KCNIP4: variants seen among roughly 807,000 people sequenced by gnomAD.
The protein encoded by KCNIP4 is Kv channel-interacting protein 4.
KCNIP4 carries 12 observed loss-of-function variants against 34.0 expected under a neutral mutation model. That is an observed-to-expected ratio of 0.35 (90% CI 0.23 to 0.57). The LOEUF (loss-of-function observed/expected upper bound fraction) is 0.57. Ranked by LOEUF, KCNIP4 falls within the 20% of genes least tolerant of loss-of-function variation. The pLI is 0.83. For missense variants in KCNIP4, 238 were observed against 311.7 expected (o/e 0.76, Z 1.78); for synonymous variants, 124 against 102.2 (o/e 1.21, Z -1.29).
chr4:20,940,895 A>G (rs771896038), intron 1 of KCNIP4, among the ~76,000 whole-genome samples: 10 of 152,186 alleles, frequency 6.6e-5, no homozygotes, highest in Non-Finnish European at 1.0e-4. Context: ...TGGAGAAAAT[A>G]TGGGCTCAGA....
At position 21,372,920 on chromosome 4, in the gene KCNIP4, G is replaced by A. The variant is rs1720619571; in HGVS notation, c.62-490211C>T. ...TTATTCCCAATTTGACAGGTAGGTG[G>A]GTAAATATGAAACTTAGCTGTGCCT... On this transcript the variant is annotated intron_variant, in intron 1 of 8. Coordinates refer to ENST00000382152, the MANE Select transcript of KCNIP4 (RefSeq NM_025221.6). Among the ~76,000 whole-genome samples, 8 of 145,740 alleles carry A rather than the reference G, an allele frequency of 5.5e-5. No individual in the cohort carries two copies. The South Asian group carries it at 1.7e-3, about 31-fold the overall frequency.
intron 1 of KCNIP4, among the ~76,000 whole-genome samples, chr4:21,519,037 C>T (rs2109942945): frequency 6.6e-6 from 1 of 152,120 alleles, no homozygotes; most frequent in East Asian, 1.9e-4. Flanking sequence ...GAAAATGGGG[C>T]TTGAGTAATT....
At chr4:20,930,618 G>C (rs745435509) in intron 1 of KCNIP4, among the ~76,000 whole-genome samples, 1 of 152,056 alleles carries the variant, frequency 6.6e-6, no homozygotes, top group Admixed American at 6.6e-5. Context: ...TATCTCCTAA[G>C]AGGCTAATAT....
At chr4:21,602,196 T>C (rs748068777) in intron 1 of KCNIP4, among the ~76,000 whole-genome samples, 9 of 151,950 alleles carry the variant, frequency 5.9e-5, no homozygotes, top group Non-Finnish European at 1.2e-4. Context: ...TGCTGGGAAG[T>C]CCTCTTTCAC....
intron 1 of KCNIP4, among the ~76,000 whole-genome samples, chr4:21,001,194 T>G (rs1487577223): frequency 6.6e-6 from 1 of 152,140 alleles, no homozygotes; most frequent in Admixed American, 6.5e-5. Context: ...GGTTTCCCCT[T>G]AATTAACATA....
intron 1 of KCNIP4, among the ~76,000 whole-genome samples, chr4:21,490,924 G>A (rs1732336460): frequency 6.6e-6 from 1 of 152,042 alleles, no homozygotes; most frequent in Non-Finnish European, 1.5e-5. Flanking sequence ...GGTAATAAGT[G>A]GAGACCTCAG....
chr4:21,357,913 C>G (rs1255509977), intron 1 of KCNIP4, among the ~76,000 whole-genome samples: 2 of 152,126 alleles, frequency 1.3e-5, no homozygotes, highest in African/African-American at 4.8e-5. Flanking sequence ...AAACTTGGAA[C>G]TAACCCAAAT....
At chr4:21,769,386 C>G (rs539758154) in intron 1 of KCNIP4, among the ~76,000 whole-genome samples, 2 of 152,080 alleles carry the variant, frequency 1.3e-5, no homozygotes, top group South Asian at 2.1e-4. Context: ...GTTCCAAATA[C>G]TTTTGCTGGT....
intron 3 of KCNIP4, among the ~76,000 whole-genome samples, chr4:20,835,429 C>A (rs2149463638): frequency 6.6e-6 from 1 of 152,142 alleles, no homozygotes; most frequent in Non-Finnish European, 1.5e-5. Context: ...CTTAACAATT[C>A]CTTGCCCATT....
chr4:20,871,668 A>G (rs116306530), intron 2 of KCNIP4, among the ~76,000 whole-genome samples: 1,611 of 152,240 alleles, frequency 0.011, 27 homozygotes, highest in African/African-American at 0.037. Flanking sequence ...TTTAACATTC[A>G]TTCAACACAG....
intron 1 of KCNIP4, among the ~76,000 whole-genome samples, chr4:21,647,445 G>A (rs936988339): frequency 2.6e-5 from 4 of 152,000 alleles, no homozygotes; most frequent in African/African-American, 9.7e-5. Flanking sequence ...GGTGGGCACT[G>A]GCCATGGACC....
intron 1 of KCNIP4, among the ~76,000 whole-genome samples, chr4:21,578,614 G>C (rs1446442988): frequency 6.6e-6 from 1 of 152,108 alleles, no homozygotes; most frequent in Non-Finnish European, 1.5e-5. Context: ...GACTGCATTA[G>C]AATAAAGCAA....
chr4:21,402,289 A>T (rs958574642), intron 1 of KCNIP4, among the ~76,000 whole-genome samples: 1 of 152,224 alleles, frequency 6.6e-6, no homozygotes, highest in African/African-American at 2.4e-5. Flanking sequence ...TCATGGTTGC[A>T]AATTCAGATT....
chr4:20,916,140 T>A (rs191726334), intron 1 of KCNIP4, among the ~76,000 whole-genome samples: 16 of 152,292 alleles, frequency 1.1e-4, no homozygotes, highest in Admixed American at 1.0e-3. Flanking sequence ...GTCCTTCAAG[T>A]TACTTTGTGG....
At chr4:21,757,363 G>T (rs374826794) in intron 1 of KCNIP4, among the ~76,000 whole-genome samples, 31 of 152,272 alleles carry the variant, frequency 2.0e-4, no homozygotes, top group African/African-American at 7.0e-4. Context: ...GTGTGGGTTA[G>T]ATCTCTGACA....
chr4:21,348,472 T>C (rs1717683845), intron 1 of KCNIP4, among the ~76,000 whole-genome samples: 1 of 152,138 alleles, frequency 6.6e-6, no homozygotes, highest in African/African-American at 2.4e-5. Flanking sequence ...CAGCATTCTG[T>C]TTAGCAGTTC....
intron 1 of KCNIP4, among the ~76,000 whole-genome samples, chr4:20,935,818 A>G (rs1332960287): frequency 6.6e-6 from 1 of 151,950 alleles, no homozygotes; most frequent in East Asian, 1.9e-4. Context: ...CTCCTACTAC[A>G]TCTATCCAAA....
intron 1 of KCNIP4, among the ~76,000 whole-genome samples, chr4:21,051,370 T>G (rs1742912875): frequency 6.6e-6 from 1 of 152,116 alleles, no homozygotes; most frequent in Admixed American, 6.5e-5. Flanking sequence ...TTATCTGAAT[T>G]TTGAGGTTCA....
At chr4:20,859,292 A>C (rs1157055861) in intron 2 of KCNIP4, among the ~76,000 whole-genome samples, 1 of 152,164 alleles carries the variant, frequency 6.6e-6, no homozygotes, top group East Asian at 1.9e-4. Flanking sequence ...TGAGACAAAA[A>C]CCAGAACCAG....
Sources: gnomAD v4.1 joint callset for allele counts (sites outside exome capture counted in the v4.1 genomes callset) on GRCh38, gnomAD v4.1.1 for gene constraint, MANE v1.5 for transcripts, NCBI Gene and HGNC (gene_info 2026-07-23, HGNC 2026-07-21) for gene names.